REM1: variants seen among roughly 807,000 people sequenced by gnomAD.
REM1 encodes the protein RRAD and GEM like GTPase 1.
A neutral mutation model predicts 27.0 loss-of-function variants in REM1; 20 were observed. The observed-to-expected ratio is 0.74, with a 90% CI of 0.52 to 1.08. REM1 has a LOEUF of 1.08. REM1 is among the 50% of genes least tolerant of loss of function. REM1 has a pLI of 0.00. For missense variants in REM1, 405 were observed against 407.0 expected (o/e 1.00, Z 0.04); for synonymous variants, 159 against 167.9 (o/e 0.95, Z 0.41).
At chr20:31,482,518 C>T (rs1266939510) in intron 4 of REM1, 30 bp downstream of exon 4, 1 of 1,602,440 alleles carries the variant, frequency 6.2e-7, no homozygotes, top group South Asian at 1.1e-5. Flanking sequence ...ACCTCCTCTT[C>T]ACCTGGGCCC....
At position 31,475,879 on chromosome 20, in the gene REM1, C is replaced by A. The variant is rs1018479999; in HGVS notation, c.-219-348C>A. 6.6e-6 allele frequency among the ~76,000 whole-genome samples: 1 copy of A among 152,248 alleles called. No homozygotes were observed. Among genetic ancestry groups the A allele is most frequent in the African/African-American group, 2.4e-5 (1 of 41,464 alleles). On this transcript the variant is annotated intron_variant, in intron 1 of 4. Coordinates refer to ENST00000201979, the MANE Select transcript of REM1 (RefSeq NM_014012.6). The surrounding 1 kb of genome is among the most constrained non-coding windows in gnomAD (Gnocchi z 5.0). ...CCAACCCGCCCTCCTGCCTCTTCCTCCTCAGACCCCGTGAAATTGGGCATC... is the reference window on the plus strand; with the variant it reads ...CCAACCCGCCCTCCTGCCTCTTCCTACTCAGACCCCGTGAAATTGGGCATC...
At chr20:31,482,594 C>G in intron 4 of REM1, 106 bp downstream of exon 4, 1 of 1,126,880 alleles carries the variant, frequency 8.9e-7, no homozygotes, top group Non-Finnish European at 1.3e-6. Context: ...CTGCCCCTAC[C>G]CTGCAGCCAC....
At position 31,476,578 on chromosome 20, in the gene REM1, C is replaced by A; in HGVS notation, c.133C>A (p.Arg45=). 6.2e-7 allele frequency: 1 copy of A among 1,614,176 alleles called. No individual in the cohort carries two copies. The highest frequency in any genetic ancestry group is 1.3e-5 in the African/African-American group (1 of 75,052). The part of the protein sequence containing the change: ...TVPSTQSQHP[R]LGQSASLNPP... ...GCCTTCCACTCAATCCCAGCATCCC[C>A]GGCTGGGCCAATCAGCCTCCCTCAA... The change falls in exon 2 of 5, where the codon CGG becomes AGG. Residue 45 remains arginine, a synonymous_variant. Transcript: ENST00000201979.
At position 31,484,305 on chromosome 20, in the gene REM1, C is replaced by A. The variant is rs1464553830; in HGVS notation, c.772C>A (p.Pro258Thr). 1 of 1,580,502 alleles carries A rather than the reference C, an allele frequency of 6.3e-7. No homozygotes were observed. Among genetic ancestry groups the A allele is most frequent in the Non-Finnish European group, 8.6e-7 (1 of 1,164,358 alleles). ...CAGTGCGGCCAAGGAACCCCCAGCA[C>A]CCCGACGGCCGGCCAGCCTAGCCCA... ...RDSAAKEPPAPRRPASLAQRA... is the reference protein window; with the variant it reads ...RDSAAKEPPATRRPASLAQRA... Residue 258 changes from proline (P) to threonine (T), a missense_variant, in exon 5 of 5, where the codon CCC (proline) becomes ACC (threonine). Pro to Thr is a conservative substitution (Grantham distance 38). Transcript: ENST00000201979.
intron 3 of REM1, among the ~76,000 whole-genome samples, chr20:31,480,228 T>TAGATAGATAGAC (rs1291751741): frequency 1.2e-4 from 15 of 121,150 alleles, no homozygotes; most frequent in East Asian, 4.2e-4. Context: ...GATAGATAGA[T>TAGATAGATAGAC]AGACAGATAC....
In REM1 at chr20:31,484,526, G is replaced by T; in HGVS notation, c.*96G>T. 1 of 1,366,706 alleles carries T rather than the reference G, an allele frequency of 7.3e-7. No homozygotes were observed. Among genetic ancestry groups the T allele is most frequent in the Non-Finnish European group, 9.6e-7 (1 of 1,042,370 alleles). The allele number at this position is 1,366,706 out of a possible 1,614,324, so 84.7% of individuals were successfully genotyped here. A position where few individuals can be genotyped will look rare whatever the true frequency, so the allele number is the denominator to read the frequency against. On this transcript the variant is annotated 3_prime_UTR_variant, in exon 5 of 5. Coordinates refer to ENST00000201979, the MANE Select transcript of REM1 (RefSeq NM_014012.6). ...GCAAAGGCGCCGTTACCTGGAGTCT[G>T]CATCATGGGTCTTGCTTGCCTGCTG...
rs1343801036 is a variant in REM1, at chr20:31,484,342, G to C, written c.809G>C (p.Arg270Pro). 6.4e-7 allele frequency: 1 copy of C among 1,564,048 alleles called. No homozygotes were observed. Among genetic ancestry groups the C allele is most frequent in the Non-Finnish European group, 8.7e-7 (1 of 1,155,338 alleles). ...GCCAGCCTAGCCCAGCGCGCTCGTC[G>C]CTTCCTGGCACGCCTGACAGCCCGC... ...RPASLAQRAR[R>P]FLARLTARSA... Residue 270 changes from arginine (R) to proline (P), a missense_variant, in exon 5 of 5, where the codon CGC (arginine) becomes CCC (proline). Coordinates refer to ENST00000201979, the MANE Select transcript of REM1 (RefSeq NM_014012.6).
intron 3 of REM1, among the ~76,000 whole-genome samples, chr20:31,478,638 A>T (rs1338964207): frequency 6.6e-6 from 1 of 152,130 alleles, no homozygotes; most frequent in Non-Finnish European, 1.5e-5. Flanking sequence ...AAAGAGAAGG[A>T]TCTAAAATCA....
rs1911924592 is a variant in REM1 at position 31,476,402 on chromosome 20, T to C, written c.-44T>C. On this transcript the variant is annotated 5_prime_UTR_variant, in exon 2 of 5. Transcript: ENST00000201979. ...TTGGCTGACAGCCAATTCCCCCTTC[T>C]TTCAGAAGGAAAGAAGGAAGAAGCA... 1 of 1,479,244 alleles carries C rather than the reference T, an allele frequency of 6.8e-7. No homozygotes were observed. Among genetic ancestry groups the C allele is most frequent in the Admixed American group, 2.2e-5 (1 of 45,590 alleles). 91.6% of individuals were successfully genotyped at this position (1,479,244 alleles called of 1,614,324 possible). A position where few individuals can be genotyped will look rare whatever the true frequency, so the allele number is the denominator to read the frequency against.
At position 31,484,813 on chromosome 20, in the gene REM1, C is replaced by A; in HGVS notation, c.*383C>A. 1 of 210,762 alleles carries A rather than the reference C, an allele frequency of 4.7e-6. No homozygotes were observed. The highest frequency in any genetic ancestry group is 9.4e-6 in the Non-Finnish European group (1 of 106,650). The allele number at this position is 210,762 out of a possible 1,614,324, so 13.1% of individuals were successfully genotyped here. ...CTCTTCCAGGCGTCTCCACCTACTG[C>A]CCTCCCATCTACACTTGACTGTAGA... On this transcript the variant is annotated 3_prime_UTR_variant, in exon 5 of 5. Coordinates refer to ENST00000201979, the MANE Select transcript of REM1 (RefSeq NM_014012.6).
chr20:31,481,240 T>C (rs775122773), intron 3 of REM1, among the ~76,000 whole-genome samples: 1 of 151,980 alleles, frequency 6.6e-6, no homozygotes, highest in Non-Finnish European at 1.5e-5. Context: ...GCCACTGCAC[T>C]CCAGCCTGGG....
intron 3 of REM1, among the ~76,000 whole-genome samples, chr20:31,480,094 A>T (rs942090608): frequency 2.0e-5 from 3 of 152,094 alleles, no homozygotes; most frequent in African/African-American, 7.2e-5. Context: ...TGTCTCAAAA[A>T]AAATAAATAA....
chr20:31,478,027 C>T, intron 3 of REM1, 117 bp downstream of exon 3: 1 of 664,198 alleles, frequency 1.5e-6, no homozygotes. Flanking sequence ...TCCTCAGCAC[C>T]CTCCCCCAAA....
At chr20:31,478,679 T>C (rs1002815527) in intron 3 of REM1, among the ~76,000 whole-genome samples, 1 of 152,160 alleles carries the variant, frequency 6.6e-6, no homozygotes, top group African/African-American at 2.4e-5. Flanking sequence ...GGGGATAGGC[T>C]GCTCAAAAAC....
intron 2 of REM1, among the ~76,000 whole-genome samples, chr20:31,477,464 A>ATAT (rs1359822690): frequency 6.6e-6 from 1 of 152,162 alleles, no homozygotes; most frequent in Non-Finnish European, 1.5e-5. Context: ...TCTCTCTCCG[A>ATAT]GTGAGAACAC....
chr20:31,480,262 CAT>C lies in REM1; in HGVS notation c.424-2023_424-2022del, dbSNP rs1600578386. On this transcript the variant is annotated intron_variant, in intron 3 of 4. Transcript: ENST00000201979. ...ACATACATACACACATACATACATACATACATACATACATACATACATAGATA... is the reference window on the plus strand; with the variant it reads ...ACATACATACACACATACATACATACACATACATACATACATACATAGATA... Among the ~76,000 whole-genome samples, 4 of 151,578 alleles carry C rather than the reference CAT, an allele frequency of 2.6e-5. No homozygotes were observed. In the East Asian group the frequency reaches 5.8e-4, roughly 22 times the overall value.
intron 3 of REM1, among the ~76,000 whole-genome samples, chr20:31,481,326 C>A (rs118155670): frequency 0.012 from 1,782 of 152,140 alleles, 24 homozygotes; most frequent in South Asian, 0.052. Flanking sequence ...CTCACAACCA[C>A]ACACAGTCTT....
At position 31,480,401 on chromosome 20, in the gene REM1, G is replaced by C. The variant is rs1277033672; in HGVS notation, c.424-1886G>C. On this transcript the variant is annotated intron_variant, in intron 3 of 4. Transcript: ENST00000201979. ...TGCAGTGTCGTGATCTCAGCTCACTGTAACCTCCGCCTCCCAGGTTCAAGC... is the reference window on the plus strand; with the variant it reads ...TGCAGTGTCGTGATCTCAGCTCACTCTAACCTCCGCCTCCCAGGTTCAAGC... 2.6e-5 allele frequency among the ~76,000 whole-genome samples: 4 copies of C among 152,132 alleles called. No homozygotes were observed. The East Asian group carries it at 7.7e-4, about 29-fold the overall frequency.
chr20:31,484,426 T>C lies in REM1; in HGVS notation c.893T>C (p.Leu298Pro), dbSNP rs940301087. ...RSKSCHNLAVL is the reference protein window; with the variant it reads ...RSKSCHNLAVP The stretch of plus-strand genomic sequence containing the variant: ...AAGTCCTGCCACAATCTGGCCGTGC[T>C]CTGAAGCCCCCCGCCCTTCTGAGAG... Residue 298 changes from leucine to proline, a missense_variant, in exon 5 of 5, where the codon CTC becomes CCC. Coordinates refer to ENST00000201979, the MANE Select transcript of REM1 (RefSeq NM_014012.6). 26 of 1,504,008 alleles carry C rather than the reference T, an allele frequency of 1.7e-5. No individual in the cohort carries two copies. Among genetic ancestry groups the C allele is most frequent in the Non-Finnish European group, 2.2e-5 (25 of 1,124,878 alleles). 93.2% of individuals were successfully genotyped at this position (1,504,008 alleles called of 1,614,324 possible).
Sources: allele counts gnomAD v4.1 joint callset (sites outside exome capture counted in the v4.1 genomes callset), GRCh38; gene constraint gnomAD v4.1.1; non-coding constraint Gnocchi (gnomAD v3.1); transcripts MANE v1.5; gene names NCBI Gene and HGNC (gene_info 2026-07-23, HGNC 2026-07-21).